Variants in TMEM178B observed in about 807,000 individuals in gnomAD.
TMEM178B encodes the protein transmembrane protein 178B.
A neutral mutation model predicts 31.0 loss-of-function variants in TMEM178B; 5 were observed. That is an observed-to-expected ratio of 0.16 (90% CI 0.08 to 0.34). TMEM178B has a LOEUF of 0.34. Ranked by LOEUF, TMEM178B falls within the 10% of genes least tolerant of loss-of-function variation. The pLI is 1.00. For synonymous variants in TMEM178B, 164 were observed against 164.0 expected, an observed-to-expected ratio of 1.00 and a Z score of 0.00; for missense variants, 275 against 400.3, an observed-to-expected ratio of 0.69 and a Z score of 2.67.
At chr7:141,250,464 C>T (rs1797812421) in intron 2 of TMEM178B, among the ~76,000 whole-genome samples, 3 of 152,098 alleles carry the variant, frequency 2.0e-5, no homozygotes, top group South Asian at 4.1e-4. Context: ...ATGTCCTCTC[C>T]GTGTAATTGG....
chr7:141,308,407 AT>A (rs1284038052), intron 2 of TMEM178B, among the ~76,000 whole-genome samples: 6 of 151,874 alleles, frequency 4.0e-5, no homozygotes, highest in African/African-American at 9.7e-5. Flanking sequence ...TTTGTGTGTA[AT>A]TTTTTTTAGA....
At chr7:141,236,774 C>T (rs760511919) in intron 2 of TMEM178B, among the ~76,000 whole-genome samples, 4 of 152,062 alleles carry the variant, frequency 2.6e-5, no homozygotes, top group Non-Finnish European at 4.4e-5. Flanking sequence ...AAAGATTTTT[C>T]GAAGCTTAAG....
chr7:141,265,302 C>A (rs1798078391), intron 2 of TMEM178B, among the ~76,000 whole-genome samples: 1 of 151,842 alleles, frequency 6.6e-6, no homozygotes, highest in Non-Finnish European at 1.5e-5. Flanking sequence ...TGAATGGGGC[C>A]ATGATGATGG....
intron 2 of TMEM178B, among the ~76,000 whole-genome samples, chr7:141,223,551 C>A (rs1220117383): frequency 6.7e-6 from 1 of 150,202 alleles, no homozygotes; most frequent in Admixed American, 6.7e-5. Context: ...GCCAAGAGGC[C>A]TGCAGGCTTC....
intron 2 of TMEM178B, among the ~76,000 whole-genome samples, chr7:141,405,454 C>T (rs2116625936): frequency 6.6e-6 from 1 of 152,372 alleles, no homozygotes; most frequent in Non-Finnish European, 1.5e-5. Context: ...TTGATTTTGA[C>T]TGTGGGGCCA....
At chr7:141,444,781 T>A (rs1187029240) in intron 3 of TMEM178B, among the ~76,000 whole-genome samples, 4 of 152,004 alleles carry the variant, frequency 2.6e-5, no homozygotes, top group Non-Finnish European at 5.9e-5. Flanking sequence ...TCCCCAGCCC[T>A]GCCCCTGCTT....
At chr7:141,404,036 T>G (rs919680790) in intron 2 of TMEM178B, among the ~76,000 whole-genome samples, 3 of 152,222 alleles carry the variant, frequency 2.0e-5, no homozygotes, top group African/African-American at 7.2e-5. Context: ...CCGGGCATGG[T>G]GGCTCGTGCC....
chr7:141,434,354 A>G (rs780638132), intron 2 of TMEM178B, among the ~76,000 whole-genome samples: 1 of 152,216 alleles, frequency 6.6e-6, no homozygotes, highest in Non-Finnish European at 1.5e-5. Flanking sequence ...GGCCTCCAGC[A>G]AGGTGGGACT....
At position 141,079,893 on chromosome 7, in the gene TMEM178B, T is replaced by A. The variant is rs998764163; in HGVS notation, c.382+5201T>A. ...GAAAGGTCAGATAACTTGTGAATTC[T>A]CACAGTTAGTTAGGAAACAAAGGTG... On this transcript the variant is annotated intron_variant, in intron 1 of 3. Transcript: ENST00000565468. 2.1e-4 allele frequency among the ~76,000 whole-genome samples: 32 copies of A among 152,236 alleles called. 1 individual carries two copies. The highest frequency in any genetic ancestry group is 7.3e-5 in the Non-Finnish European group (5 of 68,044).
At chr7:141,289,734 A>G (rs1459993360) in intron 2 of TMEM178B, among the ~76,000 whole-genome samples, 2 of 144,788 alleles carry the variant, frequency 1.4e-5, no homozygotes, top group Non-Finnish European at 3.1e-5. Flanking sequence ...AAAAAAAAGA[A>G]AAAAGAAAAA....
intron 2 of TMEM178B, among the ~76,000 whole-genome samples, chr7:141,295,832 G>A (rs1203568701): frequency 6.6e-6 from 1 of 152,140 alleles, no homozygotes; most frequent in African/African-American, 2.4e-5. Context: ...ACAGAAGAGA[G>A]GTGAACCTTT....
chr7:141,393,930 A>G (rs1209734855), intron 2 of TMEM178B, among the ~76,000 whole-genome samples: 1 of 152,202 alleles, frequency 6.6e-6, no homozygotes. Context: ...TTCTTTAGAC[A>G]AAGGGACAGC....
intron 1 of TMEM178B, among the ~76,000 whole-genome samples, chr7:141,176,127 G>A (rs927319696): frequency 2.6e-5 from 4 of 152,154 alleles, no homozygotes; most frequent in Non-Finnish European, 4.4e-5. Flanking sequence ...TTTGAGATAT[G>A]TTCCATCAAT....
chr7:141,300,801 C>G (rs1273545491), intron 2 of TMEM178B, among the ~76,000 whole-genome samples: 3 of 152,188 alleles, frequency 2.0e-5, no homozygotes, highest in Non-Finnish European at 4.4e-5. Flanking sequence ...CTTCCCGTTG[C>G]CAGACCCCAT....
In TMEM178B at chr7:141,335,265, C is replaced by T. The variant is rs553978813; in HGVS notation, c.497-102343C>T. Reference sequence around the variant, plus strand: ...GAAGCTACCTGGACCCTCAGCTCAGCTTTCTCCTCCAAGAGAGTTCCTGAC... The same window carrying T: ...GAAGCTACCTGGACCCTCAGCTCAGTTTTCTCCTCCAAGAGAGTTCCTGAC... On this transcript the variant is annotated intron_variant, in intron 2 of 3. Transcript: ENST00000565468. Among the ~76,000 whole-genome samples, 7 of 152,302 alleles carry T rather than the reference C, an allele frequency of 4.6e-5. No homozygotes were observed. The South Asian group carries it at 1.5e-3, about 32-fold the overall frequency.
At chr7:141,503,936 T>C in the TMEM178B span, among the ~76,000 whole-genome samples, 8 of 152,188 alleles carry the variant, frequency 5.3e-5, no homozygotes, top group Admixed American at 2.6e-4. Flanking sequence ...GCTAATATGA[T>C]AGAAGACAAA....
intron 2 of TMEM178B, among the ~76,000 whole-genome samples, chr7:141,400,291 A>G (rs902410516): frequency 4.6e-5 from 7 of 152,210 alleles, no homozygotes; most frequent in African/African-American, 1.2e-4. Context: ...CGGAGGTTCA[A>G]AAGTACAGAG....
At chr7:141,300,338 C>G (rs930961106) in intron 2 of TMEM178B, among the ~76,000 whole-genome samples, 1 of 152,124 alleles carries the variant, frequency 6.6e-6, no homozygotes, top group African/African-American at 2.4e-5. Flanking sequence ...AGGACATGTC[C>G]TCATGGGACT....
chr7:141,507,748 C>A, the TMEM178B span, among the ~76,000 whole-genome samples: 2 of 152,224 alleles, frequency 1.3e-5, no homozygotes, highest in African/African-American at 4.8e-5. Context: ...AGCTTCCATT[C>A]TCTGAGGCCA....
Sources: allele counts gnomAD v4.1 joint callset (sites outside exome capture counted in the v4.1 genomes callset), GRCh38; gene constraint gnomAD v4.1.1; transcripts MANE v1.5; gene names NCBI Gene and HGNC (gene_info 2026-07-23, HGNC 2026-07-21).